The following DIP2C variants were observed in gnomAD, a reference collection of about 807,000 sequenced individuals.
The protein encoded by DIP2C is disco-interacting protein 2 homolog C.
Under a neutral mutation model 192.4 loss-of-function variants are expected in DIP2C, and 33 were observed. The ratio of observed to expected loss-of-function variants is 0.17; its 90% confidence interval spans 0.13 to 0.23. DIP2C has a LOEUF of 0.23. DIP2C is among the 10% of genes least tolerant of loss of function. DIP2C has a pLI of 1.00. For synonymous variants in DIP2C, 979 were observed against 864.1 expected (o/e 1.13, Z -2.33); for missense variants, 1,537 against 2,110.1 (o/e 0.73, Z 5.32).
intron 2 of DIP2C, chr10:484,646 T>C: frequency 7.9e-7 from 1 of 1,273,602 alleles, no homozygotes; most frequent in Non-Finnish European, 1.1e-6. Flanking sequence ...TGGAGCGACC[T>C]GGCTCACTGG....
At chr10:430,725 C>T (rs921426679) in intron 4 of DIP2C, among the ~76,000 whole-genome samples, 1 of 152,168 alleles carries the variant, frequency 6.6e-6, no homozygotes, top group Non-Finnish European at 1.5e-5. Flanking sequence ...CCTTTGGTGT[C>T]ATATCTAAAA....
intron 1 of DIP2C, among the ~76,000 whole-genome samples, chr10:602,202 T>C (rs1852131822): frequency 6.6e-6 from 1 of 152,176 alleles, no homozygotes; most frequent in Non-Finnish European, 1.5e-5. Context: ...AGTCCTAAAG[T>C]GTCAGTTCTC....
At chr10:548,219 C>A (rs1014587970) in intron 1 of DIP2C, among the ~76,000 whole-genome samples, 70 of 130,620 alleles carry the variant, frequency 5.4e-4, no homozygotes, top group African/African-American at 1.5e-3. Flanking sequence ...CCCCCCCCCC[C>A]ACAGGAAAGC....
At chr10:498,565 T>A (rs1161374171) in intron 1 of DIP2C, among the ~76,000 whole-genome samples, 1 of 152,236 alleles carries the variant, frequency 6.6e-6, no homozygotes, top group Non-Finnish European at 1.5e-5. Context: ...CTTAGGGGGC[T>A]CGTCAGAGAT....
chr10:500,910 T>C (rs1037939265), intron 1 of DIP2C, among the ~76,000 whole-genome samples: 7 of 152,216 alleles, frequency 4.6e-5, no homozygotes, highest in African/African-American at 1.7e-4. Flanking sequence ...ACAACCTTGC[T>C]GTGTAAAATA....
rs536979540 is a variant in DIP2C, at chr10:454,869, T to C, written c.269-13873A>G. On this transcript the variant is annotated intron_variant, in intron 3 of 36. Coordinates refer to ENST00000280886, the MANE Select transcript of DIP2C (RefSeq NM_014974.3). ...GCGCCCTTTATGCTTGAAGTCATTA[T>C]TGCTGTTACTAGTATTCTAGATTAC... Among the ~76,000 whole-genome samples, 278 of 152,364 alleles carry C rather than the reference T, an allele frequency of 1.8e-3. 2 individuals are homozygous for C. The highest frequency in any genetic ancestry group is 3.1e-3 in the Non-Finnish European group (213 of 68,036).
At chr10:423,143 A>G (rs1354362497) in intron 4 of DIP2C, 110 bp from the exon 5 acceptor site, 5 of 1,071,032 alleles carry the variant, frequency 4.7e-6, no homozygotes, top group Non-Finnish European at 6.6e-6. Flanking sequence ...ATAGTTGTTC[A>G]ATGACTTTTT....
intron 1 of DIP2C, among the ~76,000 whole-genome samples, chr10:614,681 A>G (rs566670889): frequency 2.6e-5 from 4 of 152,368 alleles, no homozygotes; most frequent in South Asian, 4.1e-4. Context: ...TGTGATCCAT[A>G]AAGTTCCTTT....
chr10:361,299 T>G (rs1219290172), intron 22 of DIP2C, among the ~76,000 whole-genome samples: 2 of 152,172 alleles, frequency 1.3e-5, no homozygotes, highest in South Asian at 4.1e-4. Flanking sequence ...GGAAGAGGGC[T>G]TTCTGCAGGA....
At position 635,081 on chromosome 10, in the gene DIP2C, A is replaced by G. The variant is rs816571; in HGVS notation, c.85+54413T>C. On this transcript the variant is annotated intron_variant, in intron 1 of 36. Transcript: ENST00000280886. ...TAACAGTCCCTGGTGGCTACACAAG[A>G]ACAGAGAGAGGATTCCACGAACCCA... 4.6e-3 allele frequency among the ~76,000 whole-genome samples: 700 copies of G among 152,306 alleles called. 3 individuals carry two copies. The highest frequency in any genetic ancestry group is 0.016 in the African/African-American group (683 of 41,550).
chr10:459,443 G>A (rs1284279703), intron 3 of DIP2C, among the ~76,000 whole-genome samples: 1 of 152,214 alleles, frequency 6.6e-6, no homozygotes, highest in Admixed American at 6.5e-5. Context: ...CCCTGAGAGG[G>A]CAGCCCAAGC....
At chr10:452,576 T>C (rs1391327418) in intron 3 of DIP2C, among the ~76,000 whole-genome samples, 5 of 152,140 alleles carry the variant, frequency 3.3e-5, no homozygotes, top group Admixed American at 6.5e-5. Context: ...ACATCTACAA[T>C]AGCGATTAAA....
Position 349,437 on chromosome 10 carries a change from C to T in DIP2C, c.3003G>A (p.Ser1001=), listed in dbSNP as rs1255397688. The change falls in exon 25 of 37, where the codon TCG becomes TCA. Residue 1001 remains serine, a synonymous_variant. Coordinates refer to ENST00000280886, the MANE Select transcript of DIP2C (RefSeq NM_014974.3). ...TCTTGTGCAGCTGCACGCAGGTCAG[C>T]GAGTTCGCTATCGCACCCTGCGGGC... ...LLNCRGAIAN[S]LTCVQLHKRA... 9 of 1,608,140 alleles carry T rather than the reference C, an allele frequency of 5.6e-6. No individual in the cohort carries two copies. Among genetic ancestry groups the T allele is most frequent in the African/African-American group, 4.0e-5 (3 of 74,914 alleles).
At chr10:592,267 G>T (rs1218765390) in intron 1 of DIP2C, among the ~76,000 whole-genome samples, 1 of 152,176 alleles carries the variant, frequency 6.6e-6, no homozygotes, top group Non-Finnish European at 1.5e-5. Flanking sequence ...CTGTGTATTG[G>T]TAACAAGGCG....
intron 26 of DIP2C, among the ~76,000 whole-genome samples, chr10:348,240 GAAAACAGAT>G (rs1344512516): frequency 6.6e-6 from 1 of 152,238 alleles, no homozygotes; most frequent in Non-Finnish European, 1.5e-5. Context: ...GTAGACGAAG[GAAAACAGAT>G]CTATACTTTC....
chr10:547,464 A>T (rs546177632), intron 1 of DIP2C, among the ~76,000 whole-genome samples: 6 of 152,232 alleles, frequency 3.9e-5, no homozygotes, highest in Admixed American at 3.3e-4. Flanking sequence ...TTGACAGCGA[A>T]GTACCCAGCA....
intron 5 of DIP2C, among the ~76,000 whole-genome samples, chr10:421,412 C>A (rs1181344983): frequency 2.6e-5 from 4 of 152,176 alleles, no homozygotes; most frequent in Non-Finnish European, 4.4e-5. Flanking sequence ...ACAAATGCTT[C>A]CCCCAAGTGG....
intron 35 of DIP2C, 87 bp from the exon 36 acceptor site, chr10:281,410 C>G (rs1267757342): frequency 6.7e-7 from 1 of 1,487,440 alleles, no homozygotes; most frequent in African/African-American, 1.4e-5. Context: ...TTAAAAACGA[C>G]CCCCAAGTGA....
chr10:329,839 A>G (rs1026518580), intron 29 of DIP2C, among the ~76,000 whole-genome samples: 4 of 152,316 alleles, frequency 2.6e-5, no homozygotes, highest in Non-Finnish European at 5.9e-5. Flanking sequence ...CACTTTGAAC[A>G]CACATTTAAG....
Sources: gnomAD v4.1 joint callset for allele counts (sites outside exome capture counted in the v4.1 genomes callset) on GRCh38, gnomAD v4.1.1 for gene constraint, MANE v1.5 for transcripts, NCBI Gene and HGNC (gene_info 2026-07-23, HGNC 2026-07-21) for gene names.